THSD7A: variants seen among roughly 807,000 people sequenced by gnomAD.
THSD7A encodes thrombospondin type 1 domain containing 7A, also known as thrombospondin type-1 domain-containing protein 7A.
In THSD7A, 96 loss-of-function variants were observed where a neutral mutation model predicts 231.3. That is an observed-to-expected ratio of 0.41 (90% CI 0.35 to 0.49). The LOEUF (loss-of-function observed/expected upper bound fraction) is 0.49. THSD7A is among the 20% of genes least tolerant of loss of function. THSD7A has a pLI of 0.05. For synonymous variants in THSD7A, 940 were observed against 743.3 expected (o/e 1.26, Z -4.30); for missense variants, 2,290 against 2,070.2 (o/e 1.11, Z -2.06).
chr7:11,379,501 A>C, intron 25 of THSD7A, 129 bp downstream of exon 25: 1 of 949,928 alleles, frequency 1.1e-6, no homozygotes, highest in Non-Finnish European at 1.6e-6. Context: ...GATTGATAAA[A>C]GGAGATGTCT....
In THSD7A at chr7:11,374,649, C is replaced by G. The variant is rs1190812338; in HGVS notation, c.*1145G>C. The G allele has an allele frequency of 6.7e-6, 1 of 149,774 alleles. No individual in the cohort carries two copies. The allele number at this position is 149,774 out of a possible 1,614,324, so 9.3% of individuals were successfully genotyped here. A position where few individuals can be genotyped will look rare whatever the true frequency, so the allele number is the denominator to read the frequency against. ...TCTTTTTTTTTCTTAACAAAGATAA[C>G]AAATATAAAAATCTAGTCATAAACA... On this transcript the variant is annotated 3_prime_UTR_variant, in exon 28 of 28. Transcript: ENST00000423059.
intron 1 of THSD7A, among the ~76,000 whole-genome samples, chr7:11,772,523 C>T (rs934518425): frequency 3.3e-5 from 5 of 152,044 alleles, no homozygotes; most frequent in African/African-American, 1.2e-4. Context: ...ACATATACAC[C>T]ATGAAATACT....
At chr7:11,503,449 T>C (rs1016427608) in intron 6 of THSD7A, among the ~76,000 whole-genome samples, 2 of 152,044 alleles carry the variant, frequency 1.3e-5, no homozygotes, top group African/African-American at 2.4e-5. Context: ...AAAGCAAACA[T>C]TGACAAATGG....
intron 1 of THSD7A, among the ~76,000 whole-genome samples, chr7:11,727,560 T>A (rs775910857): frequency 6.6e-6 from 1 of 151,966 alleles, no homozygotes; most frequent in Non-Finnish European, 1.5e-5. Context: ...AATGTTAAAA[T>A]AATTGATAAA....
At chr7:11,669,344 T>A (rs1783281064) in intron 1 of THSD7A, among the ~76,000 whole-genome samples, 1 of 152,002 alleles carries the variant, frequency 6.6e-6, no homozygotes, top group South Asian at 2.1e-4. Context: ...ATCATTAATT[T>A]AATATATATA....
rs181254183 is a variant in THSD7A, at chr7:11,375,098, A to G, written c.*696T>C. The G allele has an allele frequency of 6.6e-6, 1 of 152,032 alleles. No homozygotes were observed. Among genetic ancestry groups the G allele is most frequent in the Admixed American group, 6.6e-5 (1 of 15,218 alleles). 9.4% of individuals were successfully genotyped at this position (152,032 alleles called of 1,614,324 possible). On this transcript the variant is annotated 3_prime_UTR_variant, in exon 28 of 28. Transcript: ENST00000423059. ...CACAAGTAAATTAGTTTTCCAGACA[A>G]TTACCACTATAAAATACTGAACTTG...
At chr7:11,782,005 CT>C (rs1283559577) in intron 1 of THSD7A, among the ~76,000 whole-genome samples, 6 of 152,064 alleles carry the variant, frequency 3.9e-5, no homozygotes, top group African/African-American at 1.2e-4. Flanking sequence ...AATTGTACCC[CT>C]CCCCCTAAGT....
At chr7:11,728,024 G>C (rs950505170) in intron 1 of THSD7A, among the ~76,000 whole-genome samples, 3 of 151,964 alleles carry the variant, frequency 2.0e-5, no homozygotes, top group Admixed American at 1.3e-4. Flanking sequence ...GTAAGAACTT[G>C]TTACTCCAAG....
chr7:11,447,178 T>C, intron 12 of THSD7A, 52 bp downstream of exon 12: 2 of 1,549,812 alleles, frequency 1.3e-6, no homozygotes, highest in Non-Finnish European at 1.8e-6. Context: ...TGACTTGTAT[T>C]ATGTTCCTCT....
At chr7:11,750,541 C>T (rs1356783140) in intron 1 of THSD7A, among the ~76,000 whole-genome samples, 2 of 151,884 alleles carry the variant, frequency 1.3e-5, no homozygotes, top group Non-Finnish European at 2.9e-5. Context: ...GAGGGACTGC[C>T]AAACCCAATA....
chr7:11,535,039 A>G (rs1788857678), intron 6 of THSD7A, among the ~76,000 whole-genome samples: 1 of 152,208 alleles, frequency 6.6e-6, no homozygotes, highest in Non-Finnish European at 1.5e-5. Context: ...ACCACCTATG[A>G]CAAAGTAAAT....
intron 1 of THSD7A, among the ~76,000 whole-genome samples, chr7:11,645,223 T>C (rs959085067): frequency 6.6e-6 from 1 of 151,896 alleles, no homozygotes; most frequent in African/African-American, 2.4e-5. Context: ...TCCTGTAAAT[T>C]ATTTATTTAA....
At chr7:11,524,494 A>C (rs1788391990) in intron 6 of THSD7A, among the ~76,000 whole-genome samples, 1 of 152,330 alleles carries the variant, frequency 6.6e-6, no homozygotes, top group South Asian at 2.1e-4. Context: ...GTTGAAACTA[A>C]TTCCCTTCGG....
At chr7:11,784,466 C>T (rs1014287097) in intron 1 of THSD7A, among the ~76,000 whole-genome samples, 2 of 151,486 alleles carry the variant, frequency 1.3e-5, no homozygotes, top group Admixed American at 6.6e-5. Flanking sequence ...TCATAATTTC[C>T]AAGTGTCTCT....
At chr7:11,601,450 G>T (rs1780549666) in intron 2 of THSD7A, among the ~76,000 whole-genome samples, 1 of 152,178 alleles carries the variant, frequency 6.6e-6, no homozygotes, top group South Asian at 2.1e-4. Flanking sequence ...GGGCTTCTCT[G>T]CATGTGGCAA....
intron 7 of THSD7A, among the ~76,000 whole-genome samples, chr7:11,480,160 T>G (rs1165571225): frequency 1.3e-5 from 2 of 152,210 alleles, no homozygotes; most frequent in Non-Finnish European, 2.9e-5. Flanking sequence ...CCACTAAACT[T>G]AATTAAAAAT....
chr7:11,415,355 A>G (rs144619802), intron 17 of THSD7A, among the ~76,000 whole-genome samples: 2 of 152,332 alleles, frequency 1.3e-5, no homozygotes, highest in Admixed American at 6.5e-5. Flanking sequence ...TAGAAGATTC[A>G]TAGGTAAATT....
intron 6 of THSD7A, among the ~76,000 whole-genome samples, chr7:11,495,668 G>T (rs150281281): frequency 6.6e-6 from 1 of 152,060 alleles, no homozygotes; most frequent in African/African-American, 2.4e-5. Flanking sequence ...TCTTAAAAAG[G>T]GTTTGGCTTA....
intron 19 of THSD7A, among the ~76,000 whole-genome samples, chr7:11,409,965 C>A (rs1160024054): frequency 2.0e-5 from 3 of 152,104 alleles, no homozygotes; most frequent in Non-Finnish European, 4.4e-5. Context: ...TGGTCCTGAA[C>A]CCCCGACCTC....
Sources: gnomAD v4.1 joint callset for allele counts (sites outside exome capture counted in the v4.1 genomes callset) on GRCh38, gnomAD v4.1.1 for gene constraint, MANE v1.5 for transcripts, NCBI Gene and HGNC (gene_info 2026-07-23, HGNC 2026-07-21) for gene names.